Variants in WASF1 observed in about 807,000 individuals in gnomAD.
WASF1 encodes the protein actin-binding protein WASF1.
Under a neutral mutation model 50.5 loss-of-function variants are expected in WASF1, and 7 were observed. That is an observed-to-expected ratio of 0.14 (90% CI 0.08 to 0.26). WASF1 has a LOEUF of 0.26. Ranked by LOEUF, WASF1 falls within the 10% of genes least tolerant of loss-of-function variation. The pLI is 1.00. For synonymous variants in WASF1, 205 were observed against 244.0 expected (o/e 0.84, Z 1.49); for missense variants, 470 against 694.7 (o/e 0.68, Z 3.64).
intron 2 of WASF1, among the ~76,000 whole-genome samples, chr6:110,170,876 G>A (rs1235577201): frequency 3.3e-5 from 5 of 152,046 alleles, no homozygotes; most frequent in Non-Finnish European, 7.4e-5. Flanking sequence ...TACGATAAAG[G>A]GGCAAATTCT....
chr6:110,121,901 G>A (rs1774147472), intron 4 of WASF1, among the ~76,000 whole-genome samples: 1 of 151,996 alleles, frequency 6.6e-6, no homozygotes, highest in African/African-American at 2.4e-5. Flanking sequence ...GTATAAAGCT[G>A]GAAACCATCA....
At chr6:110,103,600 T>C (rs1773190392) in intron 8 of WASF1, 43 bp from the exon 9 acceptor site, 2 of 1,526,716 alleles carry the variant, frequency 1.3e-6, no homozygotes, top group Middle Eastern at 4.1e-4. Flanking sequence ...CTTGAATTAT[T>C]GGGAGGAAAG....
intron 4 of WASF1, among the ~76,000 whole-genome samples, chr6:110,122,198 GAAAGT>G (rs1554201041): frequency 1.5e-5 from 2 of 137,334 alleles, no homozygotes; most frequent in Non-Finnish European, 3.1e-5. Flanking sequence ...AAATAAGAAA[GAAAGT>G]AAAGAAGCAG....
chr6:110,178,838 T>G (rs1777056080), intron 1 of WASF1, 96 bp from the exon 2 acceptor site: 1 of 152,502 alleles, frequency 6.6e-6, no homozygotes, highest in Admixed American at 6.5e-5. Context: ...CCTGCCGACA[T>G]GAGCGCTGAG....
chr6:110,113,617 T>G (rs954708952), intron 4 of WASF1, among the ~76,000 whole-genome samples, 157 bp from the exon 5 acceptor site: 4 of 152,176 alleles, frequency 2.6e-5, no homozygotes, highest in African/African-American at 4.8e-5. Context: ...GGTGACCTGT[T>G]GAATTTGGAA....
chr6:110,135,180 T>C (rs141070616), intron 3 of WASF1, among the ~76,000 whole-genome samples: 88 of 152,360 alleles, frequency 5.8e-4, no homozygotes, highest in African/African-American at 1.9e-3. Context: ...TTGGTCACTA[T>C]TGGTGTATAG....
intron 3 of WASF1, among the ~76,000 whole-genome samples, chr6:110,147,956 G>C (rs768999766): frequency 7.2e-5 from 11 of 151,932 alleles, no homozygotes; most frequent in African/African-American, 2.4e-4. Context: ...CATGTTGCCC[G>C]GGCTGGCCTC....
intron 4 of WASF1, among the ~76,000 whole-genome samples, chr6:110,123,288 GATTCAGAA>G (rs1023406105): frequency 1.3e-5 from 2 of 151,988 alleles, no homozygotes; most frequent in East Asian, 3.9e-4. Context: ...CCAAGATATA[GATTCAGAA>G]ATTTAGGAGA....
chr6:110,101,828 G>T lies in WASF1; in HGVS notation c.1282C>A (p.Pro428Thr). The T allele has an allele frequency of 6.2e-7, 1 of 1,614,148 alleles. No individual in the cohort carries two copies. ...CCAGGTGGAGGCAGAGGAGGCGGTG[G>T]TGGGGGTGGAGGCAGCCCCTGAACT... The part of the protein sequence containing the change: ...GEVQGLPPPP[P>T]PPPLPPPGIR... The change falls in exon 10 of 11, where the codon CCA becomes ACA. Residue 428 changes from proline to threonine, a missense_variant. Around this residue, in one of 3 missense-constraint regions of WASF1, gnomAD observed 294 missense variants for 343.5 expected, o/e 0.86. Transcript: ENST00000392589.
At chr6:110,126,261 C>CT (rs553828852) in intron 4 of WASF1, among the ~76,000 whole-genome samples, 3 of 152,002 alleles carry the variant, frequency 2.0e-5, no homozygotes, top group African/African-American at 7.2e-5. Context: ...AACTCTAACA[C>CT]TTTTTTTATT....
chr6:110,129,009 G>A (rs76865842), intron 3 of WASF1, among the ~76,000 whole-genome samples: 213 of 151,546 alleles, frequency 1.4e-3, no homozygotes, highest in African/African-American at 5.0e-3. Context: ...CCCTGCCCGT[G>A]GAAAGACTGT....
chr6:110,119,982 A>G lies in WASF1; in HGVS notation c.134-6522T>C, dbSNP rs150757217. Among the ~76,000 whole-genome samples, 1,091 of 152,298 alleles carry G rather than the reference A, an allele frequency of 7.2e-3. 12 individuals are homozygous for G. The highest frequency in any genetic ancestry group is 0.025 in the African/African-American group (1,021 of 41,538). On this transcript the variant is annotated intron_variant, in intron 4 of 10. Coordinates refer to ENST00000392589, the MANE Select transcript of WASF1 (RefSeq NM_003931.3). ...AGCTGCAGAAAAGGCCTTCAACAAA[A>G]TTCAACACCCCGTCATGCTAAAAAC...
intron 2 of WASF1, among the ~76,000 whole-genome samples, chr6:110,177,826 A>C (rs188775340): frequency 2.0e-4 from 30 of 152,290 alleles, no homozygotes; most frequent in Admixed American, 9.8e-4. Flanking sequence ...AAGATGGAAA[A>C]GGAAAATTAT....
chr6:110,107,717 G>A (rs181435153), intron 6 of WASF1, among the ~76,000 whole-genome samples: 2 of 152,236 alleles, frequency 1.3e-5, no homozygotes, highest in East Asian at 3.9e-4. Flanking sequence ...ATTTTATTCA[G>A]GTTGTGTTGT....
intron 3 of WASF1, among the ~76,000 whole-genome samples, chr6:110,132,431 CA>C (rs1562174004): frequency 6.6e-6 from 1 of 151,578 alleles, no homozygotes; most frequent in East Asian, 1.9e-4. Context: ...CTTTTTAACT[CA>C]AGCAGAAAAG....
chr6:110,163,444 G>C (rs1776343905), intron 2 of WASF1, among the ~76,000 whole-genome samples: 1 of 151,432 alleles, frequency 6.6e-6, no homozygotes, highest in South Asian at 2.1e-4. Flanking sequence ...TCATATGGCA[G>C]AAAGCTCGAG....
intron 2 of WASF1, among the ~76,000 whole-genome samples, chr6:110,169,307 C>T (rs1039465230): frequency 6.6e-5 from 10 of 152,150 alleles, no homozygotes; most frequent in South Asian, 2.1e-4. Context: ...TCAAAATATC[C>T]AAAATCAAAT....
At chr6:110,124,274 CTA>C (rs35703116) in intron 4 of WASF1, among the ~76,000 whole-genome samples, 548 of 20,424 alleles carry the variant, frequency 0.027, 6 homozygotes, top group East Asian at 0.04. Flanking sequence ...CTCTCTCTCT[CTA>C]TATATATATA....
At chr6:110,166,401 T>C (rs971667978) in intron 2 of WASF1, among the ~76,000 whole-genome samples, 2 of 151,868 alleles carry the variant, frequency 1.3e-5, no homozygotes, top group South Asian at 2.1e-4. Flanking sequence ...TTACCAAGAC[T>C]ATCCTGAAGA....
Sources: allele counts gnomAD v4.1 joint callset (sites outside exome capture counted in the v4.1 genomes callset), GRCh38; gene constraint gnomAD v4.1.1; regional missense constraint gnomAD v4.1.1; transcripts MANE v1.5; gene names NCBI Gene and HGNC (gene_info 2026-07-23, HGNC 2026-07-21).